The following TIAM2 variants were observed in gnomAD, a reference collection of about 807,000 sequenced individuals.
The protein encoded by TIAM2 is rho guanine nucleotide exchange factor TIAM2.
Under a neutral mutation model 152.9 loss-of-function variants are expected in TIAM2, and 80 were observed. The observed-to-expected ratio is 0.52, with a 90% CI of 0.44 to 0.63. The LOEUF (loss-of-function observed/expected upper bound fraction) is 0.63. TIAM2 is among the 30% of genes least tolerant of loss of function. The pLI is 0.00. For synonymous variants in TIAM2, 804 were observed against 838.0 expected, an observed-to-expected ratio of 0.96 and a Z score of 0.70; for missense variants, 1,965 against 2,120.1, an observed-to-expected ratio of 0.93 and a Z score of 1.44.
intron 1 of TIAM2, among the ~76,000 whole-genome samples, chr6:155,037,854 ACTT>A (rs1322239616): frequency 1.3e-5 from 2 of 151,900 alleles, no homozygotes; most frequent in South Asian, 2.1e-4. Flanking sequence ...CTGAGTCCTT[ACTT>A]CTTCTGTGTC....
intron 1 of TIAM2, among the ~76,000 whole-genome samples, chr6:155,003,343 A>G (rs1216392190): frequency 6.6e-6 from 1 of 152,006 alleles, no homozygotes; most frequent in Non-Finnish European, 1.5e-5. Flanking sequence ...AGCCAGGTGT[A>G]GTGGTGCACG....
At chr6:155,165,537 C>A (rs772029799) in intron 9 of TIAM2, 128 bp downstream of exon 9, 2 of 1,316,162 alleles carry the variant, frequency 1.5e-6, no homozygotes, top group Admixed American at 2.6e-5. Context: ...GGGTGGCTCA[C>A]GCCTGTAATT....
intron 1 of TIAM2, among the ~76,000 whole-genome samples, chr6:155,085,772 G>T (rs758472894): frequency 2.7e-4 from 41 of 152,224 alleles, no homozygotes; most frequent in Non-Finnish European, 4.3e-4. Flanking sequence ...TGCGGGACTG[G>T]CTGGTTTTCA....
chr6:155,045,025 G>T, intron 1 of TIAM2, among the ~76,000 whole-genome samples: 1 of 149,548 alleles, frequency 6.7e-6, no homozygotes, highest in Admixed American at 6.7e-5. Context: ...TTCTCTTACT[G>T]AAAGCCCTTT....
chr6:155,172,255 C>A (rs1780603937), intron 9 of TIAM2, among the ~76,000 whole-genome samples: 1 of 152,066 alleles, frequency 6.6e-6, no homozygotes, highest in African/African-American at 2.4e-5. Flanking sequence ...GAGCTGACTG[C>A]AAGGTGATCT....
At chr6:155,095,438 G>A (rs1778398271) in intron 2 of TIAM2, among the ~76,000 whole-genome samples, 1 of 152,204 alleles carries the variant, frequency 6.6e-6, no homozygotes, top group Non-Finnish European at 1.5e-5. Context: ...GGGTGGAAGA[G>A]AGGAGTAGGA....
intron 14 of TIAM2, among the ~76,000 whole-genome samples, chr6:155,208,321 A>C (rs1191122649): frequency 6.6e-6 from 1 of 151,910 alleles, no homozygotes; most frequent in Non-Finnish European, 1.5e-5. Context: ...CTTCTTTTTA[A>C]ATTCTCTATG....
intron 14 of TIAM2, among the ~76,000 whole-genome samples, chr6:155,199,341 G>A (rs529458304): frequency 4.6e-5 from 7 of 152,182 alleles, no homozygotes; most frequent in Non-Finnish European, 1.0e-4. Flanking sequence ...GCCTCCCAAA[G>A]TGCTGGGATT....
At chr6:155,025,821 A>AAC (rs58173623) in intron 1 of TIAM2, among the ~76,000 whole-genome samples, 2,466 of 131,766 alleles carry the variant, frequency 0.019, 32 homozygotes, top group East Asian at 0.051. Context: ...CTCCCCCTCA[A>AAC]ACACACACAC....
rs756072856 is a variant in TIAM2, at chr6:155,129,647, G to T, written c.424G>T (p.Gly142Trp). 1 of 1,614,038 alleles carries T rather than the reference G, an allele frequency of 6.2e-7. No individual in the cohort carries two copies. Among genetic ancestry groups the T allele is most frequent in the East Asian group, 2.2e-5 (1 of 44,868 alleles). The change falls in exon 4 of 27, where the codon GGG becomes TGG. Residue 142 changes from glycine (G) to tryptophan (W), a missense_variant. By Grantham distance (184) the Gly-to-Trp change is radical. Around this residue, in one of 3 missense-constraint regions of TIAM2, gnomAD observed 1,025 missense variants for 1,119.4 expected, o/e 0.92. Transcript: ENST00000682666. The surrounding 1 kb of genome is among the most constrained non-coding windows in gnomAD (Gnocchi z 4.8). Reference protein sequence around the residue: ...DCNGHLLNCYGRNESIASTPP... With the variant: ...DCNGHLLNCYWRNESIASTPP... The stretch of plus-strand genomic sequence containing the variant: ...CAACGGACACCTTCTCAACTGCTAC[G>T]GGAGGAATGAGAGCATTGCCTCCAC...
chr6:155,254,647 A>C, intron 26 of TIAM2, 74 bp downstream of exon 26: 1 of 1,547,360 alleles, frequency 6.5e-7, no homozygotes, highest in South Asian at 1.2e-5. Context: ...TGCTCTTGTA[A>C]CATAGCTGTG....
intron 14 of TIAM2, among the ~76,000 whole-genome samples, chr6:155,199,059 T>C (rs533500395): frequency 1.2e-4 from 17 of 140,470 alleles, no homozygotes; most frequent in African/African-American, 4.0e-4. Context: ...AAAAGGACAG[T>C]AACTTCTTTA....
At chr6:155,035,613 T>G (rs1368835257) in intron 1 of TIAM2, among the ~76,000 whole-genome samples, 1 of 152,224 alleles carries the variant, frequency 6.6e-6, no homozygotes, top group Non-Finnish European at 1.5e-5. Context: ...TCATTGAAAC[T>G]GTAAGGTCTA....
chr6:155,110,816 G>A (rs1778830278), intron 2 of TIAM2, among the ~76,000 whole-genome samples: 1 of 152,196 alleles, frequency 6.6e-6, no homozygotes, highest in Admixed American at 6.5e-5. Flanking sequence ...TACACTTAAG[G>A]AAAGGGATGC....
chr6:155,180,204 G>A (rs1255887513), intron 12 of TIAM2, among the ~76,000 whole-genome samples: 1 of 152,128 alleles, frequency 6.6e-6, no homozygotes, highest in Non-Finnish European at 1.5e-5. Flanking sequence ...GCTTGAACCT[G>A]GGAGGCAGAG....
At chr6:155,135,622 T>A (rs113648322) in intron 4 of TIAM2, among the ~76,000 whole-genome samples, 20 of 152,350 alleles carry the variant, frequency 1.3e-4, no homozygotes, top group African/African-American at 4.8e-4. Context: ...CTAATCCAGA[T>A]ATTAGAGAAA....
chr6:155,095,942 CA>C (rs1287874570), intron 2 of TIAM2, among the ~76,000 whole-genome samples: 1 of 152,146 alleles, frequency 6.6e-6, no homozygotes, highest in East Asian at 1.9e-4. Flanking sequence ...CGGGATTTTA[CA>C]AGCATATTTC....
intron 14 of TIAM2, among the ~76,000 whole-genome samples, chr6:155,191,289 G>C (rs540966010): frequency 6.6e-6 from 1 of 152,308 alleles, no homozygotes. Context: ...GTTTTTCCAA[G>C]TGTAAAATGG....
intron 2 of TIAM2, among the ~76,000 whole-genome samples, chr6:155,118,018 C>T (rs563572809): frequency 4.6e-5 from 7 of 152,330 alleles, no homozygotes; most frequent in African/African-American, 1.4e-4. Flanking sequence ...CCCACACTGA[C>T]GCTGAGCTGT....
Sources: allele counts gnomAD v4.1 joint callset (sites outside exome capture counted in the v4.1 genomes callset), GRCh38; gene constraint gnomAD v4.1.1; regional missense constraint gnomAD v4.1.1; non-coding constraint Gnocchi (gnomAD v3.1); transcripts MANE v1.5; gene names NCBI Gene and HGNC (gene_info 2026-07-23, HGNC 2026-07-21).